Variants in RAD51B observed in about 807,000 individuals in gnomAD.
RAD51B encodes RAD51 paralog B.
A neutral mutation model predicts 42.2 loss-of-function variants in RAD51B; 38 were observed. The ratio of observed to expected loss-of-function variants is 0.90; its 90% CI spans 0.70 to 1.18. RAD51B has a LOEUF of 1.18. Ranked by LOEUF, RAD51B falls within the 50% of genes most tolerant of loss-of-function variation. The probability of loss-of-function intolerance (pLI) is 0.00; values close to 1 mark genes in which losing one functional copy is unlikely to be tolerated. For missense variants in RAD51B, 373 were observed against 400.7 expected, an observed-to-expected ratio of 0.93 and a Z score of 0.59; for synonymous variants, 154 against 145.2, an observed-to-expected ratio of 1.06 and a Z score of -0.43.
chr14:68,071,737 A>G (rs192233109), intron 7 of RAD51B, among the ~76,000 whole-genome samples: 50 of 151,664 alleles, frequency 3.3e-4, no homozygotes, highest in African/African-American at 1.2e-3. Flanking sequence ...TTTTCATTTC[A>G]TCTCTTCCAG....
At chr14:68,479,145 T>C (rs1210135403), downstream of RAD51B, among the ~76,000 whole-genome samples, 1 of 152,196 alleles carries the variant, frequency 6.6e-6, no homozygotes, top group Non-Finnish European at 1.5e-5. Context: ...TGTGTCTCCC[T>C]CTGAGTGAGG....
intron 11 of RAD51B, among the ~76,000 whole-genome samples, chr14:68,673,611 AC>A: frequency 6.6e-6 from 1 of 151,768 alleles, no homozygotes; most frequent in African/African-American, 2.4e-5. Context: ...ATGCACACAC[AC>A]ACGTACACAT....
rs562754364 is a variant in RAD51B, at chr14:68,277,092, A to G, written c.757-14792A>G. 3.1e-3 allele frequency among the ~76,000 whole-genome samples: 468 copies of G among 152,310 alleles called. 2 individuals are homozygous for G. Among genetic ancestry groups the G allele is most frequent in the African/African-American group, 0.011 (440 of 41,556 alleles). On this transcript the variant is annotated intron_variant, in intron 7 of 10. Transcript: ENST00000471583. ...TTGCAATCTCACTCTGAACCTCCTTAGTCCCAGGTATGGGTTTCTCTCACT... is the reference window on the plus strand; with the variant it reads ...TTGCAATCTCACTCTGAACCTCCTTGGTCCCAGGTATGGGTTTCTCTCACT...
rs1488615119 is a variant in RAD51B at position 68,212,095 on chromosome 14, C to CCTA, written c.757-79788_757-79786dup. ...AACTTCGTCAGGGGAAGGCATCATG[C>CCTA]CTAAGTCTATTCAACTCTGGGATAC... is the stretch of plus-strand genomic sequence containing the variant. On this transcript the variant is annotated intron_variant, in intron 7 of 10. Transcript: ENST00000471583. 5.9e-5 allele frequency among the ~76,000 whole-genome samples: 9 copies of CCTA among 152,332 alleles called. 1 individual carries two copies. Among genetic ancestry groups the CCTA allele is most frequent in the Admixed American group, 1.3e-4 (2 of 15,300 alleles).
chr14:68,677,371 G>A (rs977100261), intron 11 of RAD51B, among the ~76,000 whole-genome samples: 3 of 152,142 alleles, frequency 2.0e-5, no homozygotes, highest in Non-Finnish European at 4.4e-5. Flanking sequence ...GCTCCGGCCC[G>A]GGCCTCTTCA....
chr14:67,864,903 T>TATGGCA (rs1198728630), intron 4 of RAD51B, 100 bp from the exon 5 acceptor site: 2 of 1,420,810 alleles, frequency 1.4e-6, no homozygotes, highest in African/African-American at 2.9e-5. Flanking sequence ...GGACTGCATA[T>TATGGCA]ATGGCAAAGT....
At chr14:68,153,392 T>C (rs1167183710) in intron 7 of RAD51B, among the ~76,000 whole-genome samples, 3 of 152,212 alleles carry the variant, frequency 2.0e-5, no homozygotes, top group African/African-American at 7.2e-5. Context: ...GTGCTATTTT[T>C]AGCTCTTTGA....
chr14:68,350,825 G>C (rs1334274724), intron 8 of RAD51B, among the ~76,000 whole-genome samples: 1 of 152,138 alleles, frequency 6.6e-6, no homozygotes, highest in African/African-American at 2.4e-5. Flanking sequence ...TAGATAGTGG[G>C]ATACTGGAAG....
intron 10 of RAD51B, among the ~76,000 whole-genome samples, chr14:68,525,035 A>AG (rs1165158300): frequency 1.3e-5 from 2 of 152,142 alleles, no homozygotes; most frequent in Non-Finnish European, 2.9e-5. Context: ...GGAAGCAAAA[A>AG]AGGTGCTAAT....
At chr14:68,197,156 A>G (rs1032189823) in intron 7 of RAD51B, among the ~76,000 whole-genome samples, 31 of 152,152 alleles carry the variant, frequency 2.0e-4, no homozygotes, top group African/African-American at 7.2e-4. Flanking sequence ...GGACAATTCA[A>G]TGAGCTTTGA....
intron 7 of RAD51B, among the ~76,000 whole-genome samples, chr14:67,965,890 G>A (rs1387237174): frequency 2.0e-5 from 3 of 152,092 alleles, no homozygotes; most frequent in East Asian, 1.9e-4. Flanking sequence ...TAGGGCCACC[G>A]TTAGAGCAGA....
intron 8 of RAD51B, among the ~76,000 whole-genome samples, chr14:68,319,091 C>T (rs1566805792): frequency 6.6e-6 from 1 of 152,068 alleles, no homozygotes; most frequent in African/African-American, 2.4e-5. Flanking sequence ...AACAAAAAGC[C>T]TGAGAATTTA....
intron 7 of RAD51B, among the ~76,000 whole-genome samples, chr14:68,009,032 CTA>C (rs2075640918): frequency 6.6e-6 from 1 of 151,968 alleles, no homozygotes; most frequent in Admixed American, 6.6e-5. Context: ...TTTTAAAAAA[CTA>C]TTGTTGTTGT....
intron 4 of RAD51B, among the ~76,000 whole-genome samples, chr14:67,856,843 CT>C (rs66660865): frequency 0.41 from 60,298 of 147,256 alleles, 12,919 homozygotes; most frequent in African/African-American, 0.54. Flanking sequence ...TCACTACTGA[CT>C]TTTTTTTTTT....
chr14:68,336,496 A>G (rs1186019289), intron 8 of RAD51B, among the ~76,000 whole-genome samples: 1 of 152,244 alleles, frequency 6.6e-6, no homozygotes, highest in Non-Finnish European at 1.5e-5. Flanking sequence ...GACAAAAGAA[A>G]TAAAGGACTG....
At chr14:67,853,950 G>A (rs536155736) in intron 4 of RAD51B, among the ~76,000 whole-genome samples, 2 of 152,240 alleles carry the variant, frequency 1.3e-5, no homozygotes, top group South Asian at 2.1e-4. Context: ...CCAACTCTGC[G>A]GACCTGCTGA....
At chr14:67,996,980 CGTTT>C (rs796236183) in intron 7 of RAD51B, among the ~76,000 whole-genome samples, 24 of 152,228 alleles carry the variant, frequency 1.6e-4, no homozygotes, top group African/African-American at 5.8e-4. Flanking sequence ...GATAAATCTA[CGTTT>C]GTTTGTTTGT....
intron 10 of RAD51B, among the ~76,000 whole-genome samples, chr14:68,502,718 T>C (rs1885009522): frequency 6.6e-6 from 1 of 152,206 alleles, no homozygotes; most frequent in Non-Finnish European, 1.5e-5. Flanking sequence ...TGGCCCCTTC[T>C]AAGCATCGGA....
chr14:67,820,350 C>T (rs1037605361), intron 1 of RAD51B, among the ~76,000 whole-genome samples: 4 of 152,190 alleles, frequency 2.6e-5, no homozygotes, highest in East Asian at 3.9e-4. Flanking sequence ...GTAAAATATC[C>T]GAAGCCTTTG....
Sources: allele counts gnomAD v4.1 joint callset (sites outside exome capture counted in the v4.1 genomes callset), GRCh38; gene constraint gnomAD v4.1.1; transcripts MANE v1.5; gene names NCBI Gene and HGNC (gene_info 2026-07-23, HGNC 2026-07-21).